The following CCDC175 variants were observed in gnomAD, a reference collection of about 807,000 sequenced individuals.
The protein encoded by CCDC175 is coiled-coil domain containing 175.
In CCDC175, 100 loss-of-function variants were observed where a neutral mutation model predicts 114.6. That is an observed-to-expected ratio of 0.87 (90% CI 0.74 to 1.03). The LOEUF (loss-of-function observed/expected upper bound fraction) is 1.03. Among genes scored for constraint, CCDC175 ranks in the 50% least tolerant of loss-of-function variants. The pLI is 0.00. For synonymous variants in CCDC175, 306 were observed against 308.7 expected, an observed-to-expected ratio of 0.99 and a Z score of 0.09; for missense variants, 880 against 917.8, an observed-to-expected ratio of 0.96 and a Z score of 0.53.
At chr14:59,517,046 C>T (rs4584749) in intron 17 of CCDC175, among the ~76,000 whole-genome samples, 62,210 of 152,030 alleles carry the variant, frequency 0.41, 14,012 homozygotes, top group African/African-American at 0.6. Flanking sequence ...ATCCAGCATA[C>T]AAACAGAACC....
chr14:59,506,707 T>C lies in CCDC175; in HGVS notation c.2306-1392A>G, dbSNP rs552344266. Among the ~76,000 whole-genome samples, 4 of 152,324 alleles carry C rather than the reference T, an allele frequency of 2.6e-5. No homozygotes were observed. In the East Asian group the frequency reaches 7.7e-4, roughly 29 times the overall value. On this transcript the variant is annotated intron_variant, in intron 19 of 19. Coordinates refer to ENST00000537690, the MANE Select transcript of CCDC175 (RefSeq NM_001164399.2). Reference sequence around the variant, plus strand: ...GACAAGTACTAGGCAAATGATTTTCTTTCTTCTCACTGAAATTTTGATTCT... The same window carrying C: ...GACAAGTACTAGGCAAATGATTTTCCTTCTTCTCACTGAAATTTTGATTCT...
In CCDC175 at chr14:59,511,137, T is replaced by C. The variant is rs143181025; in HGVS notation, c.2143-329A>G. Among the ~76,000 whole-genome samples, 62 of 152,246 alleles carry C rather than the reference T, an allele frequency of 4.1e-4. No homozygotes were observed. The East Asian group carries it at 0.011, about 28-fold the overall frequency. Reference sequence around the variant, plus strand: ...GAGATTCAGCCTAACAGAAGGAACTTTGGAATCAGGCAGGATCTGGGTTGT... The same window carrying C: ...GAGATTCAGCCTAACAGAAGGAACTCTGGAATCAGGCAGGATCTGGGTTGT... On this transcript the variant is annotated intron_variant, in intron 18 of 19. Coordinates refer to ENST00000537690, the MANE Select transcript of CCDC175 (RefSeq NM_001164399.2).
chr14:59,547,505 G>A (rs992228328), intron 8 of CCDC175, among the ~76,000 whole-genome samples: 2 of 152,186 alleles, frequency 1.3e-5, no homozygotes, highest in Non-Finnish European at 2.9e-5. Context: ...GAGGAGAGAT[G>A]AATAGTTCAA....
intron 19 of CCDC175, among the ~76,000 whole-genome samples, chr14:59,506,171 C>G (rs113856235): frequency 6.6e-6 from 1 of 151,356 alleles, no homozygotes; most frequent in Non-Finnish European, 1.5e-5. Context: ...TATTAGTTTG[C>G]GAGACTATTG....
intron 17 of CCDC175, among the ~76,000 whole-genome samples, chr14:59,520,517 T>C (rs1360376235): frequency 1.3e-5 from 2 of 152,162 alleles, no homozygotes; most frequent in African/African-American, 4.8e-5. Context: ...CCAAGAGAAA[T>C]GAAAACATGG....
rs140650207 is a variant in CCDC175 at position 59,559,347 on chromosome 14, C to T, written c.953+1772G>A. 5.3e-3 allele frequency among the ~76,000 whole-genome samples: 811 copies of T among 152,262 alleles called. 8 individuals carry two copies. The highest frequency in any genetic ancestry group is 6.0e-3 in the Admixed American group (92 of 15,278). On this transcript the variant is annotated intron_variant, in intron 7 of 19. Transcript: ENST00000537690. The stretch of plus-strand genomic sequence containing the variant: ...ATGATAAGAAAGAACAAGGATCAAA[C>T]TGCAGTGCCTCCTGTCGATCTATGG...
At chr14:59,565,768 CA>C (rs1362619112) in intron 4 of CCDC175, among the ~76,000 whole-genome samples, 6 of 152,110 alleles carry the variant, frequency 3.9e-5, no homozygotes, top group African/African-American at 9.7e-5. Context: ...ATCAACCTTG[CA>C]ACTTTTACCA....
chr14:59,558,802 G>C (rs1896065716), intron 7 of CCDC175, among the ~76,000 whole-genome samples: 1 of 152,118 alleles, frequency 6.6e-6, no homozygotes, highest in Admixed American at 6.6e-5. Flanking sequence ...AGTATTTAAA[G>C]CCACGAGACT....
intron 17 of CCDC175, among the ~76,000 whole-genome samples, chr14:59,513,840 G>GGA (rs1241824737): frequency 6.6e-6 from 1 of 152,164 alleles, no homozygotes; most frequent in Non-Finnish European, 1.5e-5. Context: ...GCACGCAGCT[G>GGA]GAGATCTGAG....
intron 6 of CCDC175, among the ~76,000 whole-genome samples, chr14:59,563,496 A>G (rs1896343121): frequency 6.6e-6 from 1 of 152,132 alleles, no homozygotes; most frequent in African/African-American, 2.4e-5. Context: ...TCAATATTTT[A>G]ACAGTATTTT....
intron 7 of CCDC175, among the ~76,000 whole-genome samples, chr14:59,557,988 C>A (rs1896015069): frequency 6.6e-6 from 1 of 152,062 alleles, no homozygotes; most frequent in Non-Finnish European, 1.5e-5. Flanking sequence ...GTAGGATAAA[C>A]CATAAAAGGA....
intron 3 of CCDC175, among the ~76,000 whole-genome samples, chr14:59,571,659 C>T (rs553757333): frequency 1.3e-5 from 2 of 152,122 alleles, no homozygotes; most frequent in Admixed American, 6.6e-5. Context: ...ATACTGGAAC[C>T]CTTGTGCATT....
At chr14:59,533,196 A>G (rs545294284) in intron 13 of CCDC175, among the ~76,000 whole-genome samples, 3 of 152,320 alleles carry the variant, frequency 2.0e-5, no homozygotes, top group East Asian at 3.9e-4. Context: ...TATCTCTTGG[A>G]CGTATCTTCC....
intron 19 of CCDC175, among the ~76,000 whole-genome samples, chr14:59,508,501 T>C (rs1452083266): frequency 1.4e-5 from 2 of 142,150 alleles, no homozygotes; most frequent in East Asian, 2.1e-4. Context: ...GGTGAGAGGA[T>C]TGCTTGAGAC....
At chr14:59,551,060 A>G (rs1197358021) in intron 8 of CCDC175, 1 of 199,324 alleles carries the variant, frequency 5.0e-6, no homozygotes, top group Non-Finnish European at 1.0e-5. Context: ...AACTTTCTAA[A>G]TAATTCACAT....
At chr14:59,512,896 G>C (rs111359384) in intron 17 of CCDC175, among the ~76,000 whole-genome samples, 1,793 of 151,674 alleles carry the variant, frequency 0.012, 27 homozygotes, top group African/African-American at 0.042. Context: ...ATTTAGAATA[G>C]TGAAAATAAT....
intron 19 of CCDC175, among the ~76,000 whole-genome samples, chr14:59,508,932 C>T (rs1477876380): frequency 5.3e-5 from 8 of 152,244 alleles, no homozygotes; most frequent in South Asian, 2.1e-4. Flanking sequence ...GTAGCCCGAA[C>T]GAACTAAGAC....
At chr14:59,522,725 A>C (rs1354219902) in intron 16 of CCDC175, among the ~76,000 whole-genome samples, 3 of 152,168 alleles carry the variant, frequency 2.0e-5, no homozygotes, top group African/African-American at 7.2e-5. Context: ...CTGCCTCTAC[A>C]TTAATGATAC....
intron 19 of CCDC175, among the ~76,000 whole-genome samples, chr14:59,507,821 A>C (rs115814155): frequency 6.6e-6 from 1 of 152,298 alleles, no homozygotes; most frequent in African/African-American, 2.4e-5. Flanking sequence ...AACATGTAAG[A>C]AGCAGAGCTT....
Sources: gnomAD v4.1 joint callset for allele counts (sites outside exome capture counted in the v4.1 genomes callset) on GRCh38, gnomAD v4.1.1 for gene constraint, MANE v1.5 for transcripts, NCBI Gene and HGNC (gene_info 2026-07-23, HGNC 2026-07-21) for gene names.